SRRM1: variants seen among roughly 807,000 people sequenced by gnomAD.
SRRM1 encodes serine/arginine repetitive matrix protein 1.
Under a neutral mutation model 110.2 loss-of-function variants are expected in SRRM1, and 19 were observed. The ratio of observed to expected loss-of-function variants is 0.17; its 90% CI spans 0.12 to 0.25. The LOEUF is 0.25. SRRM1 is among the 10% of genes least tolerant of loss of function. The pLI is 1.00. For synonymous variants in SRRM1, 443 were observed against 414.9 expected (o/e 1.07, Z -0.82); for missense variants, 918 against 1,145.8 (o/e 0.80, Z 2.87).
intron 6 of SRRM1, among the ~76,000 whole-genome samples, chr1:24,651,876 A>C (rs1224709227): frequency 6.6e-6 from 1 of 151,012 alleles, no homozygotes; most frequent in Non-Finnish European, 1.5e-5. Flanking sequence ...ATTGTGGACA[A>C]CTTCGCACTT....
chr1:24,657,836 A>G (rs565974192), intron 9 of SRRM1, among the ~76,000 whole-genome samples: 55 of 152,272 alleles, frequency 3.6e-4, no homozygotes, highest in African/African-American at 1.3e-3. Flanking sequence ...GGTAATTTTG[A>G]TTTATTTAGA....
rs532995360 is a variant in SRRM1 at position 24,672,667 on chromosome 1, A to C, written c.*381A>C. Reference sequence around the variant, plus strand: ...CTTTTTGTTTTTCTTTCTTCTTCTTATTTTTTTCATTTGAGTCTTAGCTCC... The same window carrying C: ...CTTTTTGTTTTTCTTTCTTCTTCTTCTTTTTTTCATTTGAGTCTTAGCTCC... On this transcript the variant is annotated 3_prime_UTR_variant, in exon 17 of 17. Coordinates refer to ENST00000323848, the MANE Select transcript of SRRM1 (RefSeq NM_005839.4). 36 of 154,262 alleles carry C rather than the reference A, an allele frequency of 2.3e-4. No homozygotes were observed. Among genetic ancestry groups the C allele is most frequent in the East Asian group, 3.9e-4 (2 of 5,172 alleles). 9.6% of individuals were successfully genotyped at this position (154,262 alleles called of 1,614,324 possible). A position where few individuals can be genotyped will look rare whatever the true frequency, so the allele number is the denominator to read the frequency against.
Position 24,658,121 on chromosome 1 carries a change from A to C in SRRM1, c.1316-2598A>C, listed in dbSNP as rs144533637. Among the ~76,000 whole-genome samples the C allele has an allele frequency of 2.2e-3, 337 of 152,320 alleles. 1 individual carries two copies. Among genetic ancestry groups the C allele is most frequent in the Non-Finnish European group, 4.2e-3 (285 of 68,032 alleles). On this transcript the variant is annotated intron_variant, in intron 9 of 16. Coordinates refer to ENST00000323848, the MANE Select transcript of SRRM1 (RefSeq NM_005839.4). Reference sequence around the variant, plus strand: ...CTCATCTAGAAAAATAGAAATCTGAAGTGCTGTTATAATATTAATAATGCT... The same window carrying C: ...CTCATCTAGAAAAATAGAAATCTGACGTGCTGTTATAATATTAATAATGCT...
chr1:24,670,739 C>A (rs1672308776), intron 15 of SRRM1, among the ~76,000 whole-genome samples: 1 of 152,220 alleles, frequency 6.6e-6, no homozygotes, highest in Admixed American at 6.5e-5. Context: ...CTCCAGTGAT[C>A]CTCCTGCTGT....
intron 12 of SRRM1, among the ~76,000 whole-genome samples, chr1:24,663,816 G>A (rs1484598235): frequency 1.3e-5 from 2 of 150,988 alleles, no homozygotes; most frequent in African/African-American, 2.4e-5. Flanking sequence ...GGCGGAGGTT[G>A]CAATGAGCTG....
intron 6 of SRRM1, among the ~76,000 whole-genome samples, chr1:24,651,997 G>C (rs1660956995): frequency 7.3e-6 from 1 of 137,516 alleles, no homozygotes; most frequent in South Asian, 2.4e-4. Flanking sequence ...GAGCAGCCTG[G>C]GGCAACATGG....
chr1:24,656,187 C>T (rs926667235), intron 9 of SRRM1, among the ~76,000 whole-genome samples: 2 of 152,104 alleles, frequency 1.3e-5, no homozygotes, highest in Non-Finnish European at 2.9e-5. Context: ...AATTATTCAC[C>T]CTGTTGCCTT....
chr1:24,649,894 T>A, intron 4 of SRRM1, 77 bp from the exon 5 acceptor site: 2 of 1,321,636 alleles, frequency 1.5e-6, no homozygotes. Flanking sequence ...CATTGGTGTT[T>A]AACACACGTA....
At chr1:24,651,337 C>G (rs2148324718) in intron 5 of SRRM1, 72 bp from the exon 6 acceptor site, 1 of 1,234,288 alleles carries the variant, frequency 8.1e-7, no homozygotes, top group Non-Finnish European at 1.2e-6. Context: ...GATTAATCCT[C>G]ACTTCTCCCT....
intron 5 of SRRM1, 51 bp downstream of exon 5, chr1:24,650,137 A>G: frequency 6.9e-7 from 1 of 1,453,026 alleles, no homozygotes; most frequent in Non-Finnish European, 9.1e-7. Flanking sequence ...TTTAGGTCTT[A>G]AGAAACTTCC....
At chr1:24,670,464 T>C (rs1672152458) in intron 15 of SRRM1, 149 bp downstream of exon 15, 4 of 842,704 alleles carry the variant, frequency 4.7e-6, no homozygotes, top group Admixed American at 6.5e-5. Flanking sequence ...GGCAGGTTTC[T>C]GTATTGCATA....
rs141233962 is a variant in SRRM1 at position 24,669,336 on chromosome 1, A to C, written c.1953A>C (p.Arg651Ser). The change falls in exon 14 of 17, where the codon AGA (arginine) becomes AGC (serine). Residue 651 changes from arginine (R) to serine (S), a missense_variant. This residue lies in a region of SRRM1 where 357 missense variants were observed against 402.9 expected (regional missense o/e 0.89). Coordinates refer to ENST00000323848, the MANE Select transcript of SRRM1 (RefSeq NM_005839.4). ...PKQRSSPVTK[R>S]RSPSLSSKHR... ...AAAGAAGCTCCCCAGTCACCAAGAG[A>C]CGTTCACCTTCATTATCATCCAAGC... 1.3e-4 allele frequency: 208 copies of C among 1,613,896 alleles called. No individual in the cohort carries two copies. The African/African-American group carries it at 2.6e-3, about 20-fold the overall frequency.
At chr1:24,646,216 G>C (rs1463513472) in intron 2 of SRRM1, 143 bp downstream of exon 2, 1 of 634,758 alleles carries the variant, frequency 1.6e-6, no homozygotes, top group Admixed American at 2.6e-5. Context: ...CACCACACGT[G>C]GCACAGCCAT....
chr1:24,659,417 T>C (rs1666004399), intron 9 of SRRM1, among the ~76,000 whole-genome samples: 1 of 152,230 alleles, frequency 6.6e-6, no homozygotes, highest in South Asian at 2.1e-4. Flanking sequence ...GCAATTGCTT[T>C]AATCACACAA....
At chr1:24,659,708 C>G (rs1210398892) in intron 9 of SRRM1, among the ~76,000 whole-genome samples, 1 of 152,132 alleles carries the variant, frequency 6.6e-6, no homozygotes, top group East Asian at 1.9e-4. Flanking sequence ...CAGGTTTCCT[C>G]TCTTGTGAAA....
At chr1:24,650,641 T>C (rs1660114173) in intron 5 of SRRM1, 1 of 152,248 alleles carries the variant, frequency 6.6e-6, no homozygotes, top group Non-Finnish European at 1.5e-5. Flanking sequence ...AGAACTCCAT[T>C]AGGCTTTTTA....
chr1:24,645,400 C>T (rs184220600), intron 1 of SRRM1, among the ~76,000 whole-genome samples: 4 of 152,250 alleles, frequency 2.6e-5, no homozygotes, highest in African/African-American at 7.2e-5. Context: ...AGTGATCACT[C>T]GATGATCTAA....
intron 8 of SRRM1, chr1:24,654,162 C>A: frequency 4.2e-6 from 2 of 475,140 alleles, no homozygotes; most frequent in South Asian, 1.8e-5. Flanking sequence ...GTGGAAACAG[C>A]TATTTCTTAT....
intron 6 of SRRM1, 124 bp downstream of exon 6, chr1:24,651,736 A>C (rs1398087859): frequency 1.2e-6 from 1 of 844,436 alleles, no homozygotes; most frequent in Non-Finnish European, 1.8e-6. Flanking sequence ...TTATAAAATT[A>C]GTTTGTTGAA....
Sources: allele counts gnomAD v4.1 joint callset (sites outside exome capture counted in the v4.1 genomes callset), GRCh38; gene constraint gnomAD v4.1.1; regional missense constraint gnomAD v4.1.1; transcripts MANE v1.5; gene names NCBI Gene and HGNC (gene_info 2026-07-23, HGNC 2026-07-21).